Variants in RUNX1T1 observed in about 807,000 individuals in gnomAD.
The protein encoded by RUNX1T1 is protein CBFA2T1.
RUNX1T1 carries 4 observed loss-of-function variants against 62.8 expected under a neutral mutation model. The ratio of observed to expected loss-of-function variants is 0.06; its 90% CI spans 0.03 to 0.15. The LOEUF is 0.15. RUNX1T1 is among the 10% of genes least tolerant of loss of function. The pLI, the probability that RUNX1T1 is intolerant of heterozygous loss-of-function variation, is 1.00. For missense variants in RUNX1T1, 508 were observed against 754.3 expected, an observed-to-expected ratio of 0.67 and a Z score of 3.82; for synonymous variants, 291 against 286.0, an observed-to-expected ratio of 1.02 and a Z score of -0.18.
intron 1 of RUNX1T1, among the ~76,000 whole-genome samples, chr8:92,051,620 TCTCA>T (rs1360527698): frequency 4.0e-5 from 6 of 149,520 alleles, no homozygotes; most frequent in African/African-American, 1.3e-4. Context: ...TCTCTCTCTC[TCTCA>T]CTCTCTCTCT....
At chr8:92,071,323 A>G (rs1464987489) in intron 2 of RUNX1T1, 1 of 152,154 alleles carries the variant, frequency 6.6e-6, no homozygotes, top group Non-Finnish European at 1.5e-5. Context: ...ACACCAGACT[A>G]CTAATGAGTC....
chr8:92,076,099 G>A, exon 2 of RUNX1T1: 1 of 1,586,722 alleles, frequency 6.3e-7, no homozygotes, highest in Non-Finnish European at 8.5e-7. Flanking sequence ...TTCTGACTGG[G>A]ACAGAGATTA....
At chr8:92,050,119 T>C (rs997514495) in intron 1 of RUNX1T1, among the ~76,000 whole-genome samples, 6 of 152,188 alleles carry the variant, frequency 3.9e-5, no homozygotes, top group Admixed American at 3.9e-4. Context: ...AAGTAAATGA[T>C]AGACTGTTAT....
chr8:92,060,561 G>A (rs1320281106), intron 1 of RUNX1T1, among the ~76,000 whole-genome samples: 51 of 121,656 alleles, frequency 4.2e-4, no homozygotes, highest in Non-Finnish European at 5.2e-4. Flanking sequence ...ATATGTGTGT[G>A]TGTGTGTGTG....
intron 9 of RUNX1T1, among the ~76,000 whole-genome samples, chr8:91,972,028 C>T (rs1022649330): frequency 2.6e-4 from 39 of 152,044 alleles, no homozygotes; most frequent in African/African-American, 4.8e-5. Context: ...AACCTAGTAC[C>T]AATTAACACT....
intron 1 of RUNX1T1, among the ~76,000 whole-genome samples, chr8:92,043,296 T>A (rs919479516): frequency 1.1e-4 from 17 of 152,164 alleles, no homozygotes; most frequent in Non-Finnish European, 1.3e-4. Flanking sequence ...TGAGATATCC[T>A]CAAGTGTCCC....
chr8:92,016,116 G>T (rs1323827694), intron 2 of RUNX1T1, among the ~76,000 whole-genome samples: 1 of 152,182 alleles, frequency 6.6e-6, no homozygotes, highest in Non-Finnish European at 1.5e-5. Context: ...ATGGCACATG[G>T]TGTGCAAAAT....
intron 2 of RUNX1T1, among the ~76,000 whole-genome samples, chr8:92,075,317 C>T (rs1164886673): frequency 1.3e-5 from 2 of 152,232 alleles, no homozygotes; most frequent in African/African-American, 4.8e-5. Context: ...GACATGAACT[C>T]TCTCCCATAA....
chr8:92,021,421 C>T (rs1441529322), intron 1 of RUNX1T1, among the ~76,000 whole-genome samples: 3 of 152,154 alleles, frequency 2.0e-5, no homozygotes, highest in African/African-American at 7.2e-5. Flanking sequence ...TCCATCCAGC[C>T]TCCACCCTTC....
intron 2 of RUNX1T1, among the ~76,000 whole-genome samples, chr8:92,074,535 C>A (rs1834144304): frequency 6.6e-6 from 1 of 152,144 alleles, no homozygotes; most frequent in African/African-American, 2.4e-5. Flanking sequence ...TAAGCCCAAG[C>A]TTAATGTGGA....
intron 1 of RUNX1T1, among the ~76,000 whole-genome samples, chr8:92,034,956 A>G (rs1264896856): frequency 4.6e-5 from 7 of 152,000 alleles, no homozygotes; most frequent in Admixed American, 3.9e-4. Flanking sequence ...CAAATACTGC[A>G]TGTTCTCATT....
At chr8:92,014,968 G>A in intron 2 of RUNX1T1, 148 bp from the exon 4 acceptor site, 2 of 749,480 alleles carry the variant, frequency 2.7e-6, no homozygotes, top group South Asian at 4.0e-5. Flanking sequence ...GACTTCACAG[G>A]GTTACTACAT....
At chr8:91,998,540 G>A (rs145203882) in intron 5 of RUNX1T1, among the ~76,000 whole-genome samples, 2 of 152,270 alleles carry the variant, frequency 1.3e-5, no homozygotes, top group Admixed American at 6.5e-5. Context: ...ACACACAAAC[G>A]TGATGCCCAG....
At chr8:92,085,560 C>G (rs956415866) in intron 1 of RUNX1T1, among the ~76,000 whole-genome samples, 1 of 152,114 alleles carries the variant, frequency 6.6e-6, no homozygotes, top group African/African-American at 2.4e-5. Flanking sequence ...TAGTTCTTAT[C>G]AAGCATAATT....
Position 91,989,825 on chromosome 8 carries a change from G to C in RUNX1T1, c.910+1814C>G, listed in dbSNP as rs535280908. Among the ~76,000 whole-genome samples the C allele has an allele frequency of 5.9e-5, 9 of 152,292 alleles. 1 individual carries two copies. The East Asian group carries it at 1.7e-3, about 29-fold the overall frequency. Reference sequence around the variant, plus strand: ...GGGTTAAAATATCAATCCAGATCAAGAAATAGCATAACCACCTTTGAAAGC... The same window carrying C: ...GGGTTAAAATATCAATCCAGATCAACAAATAGCATAACCACCTTTGAAAGC... On this transcript the variant is annotated intron_variant, in intron 6 of 10. Transcript: ENST00000396218.
intron 1 of RUNX1T1, among the ~76,000 whole-genome samples, chr8:92,025,915 T>A (rs1331591620): frequency 6.6e-6 from 1 of 152,254 alleles, no homozygotes; most frequent in Non-Finnish European, 1.5e-5. Flanking sequence ...ACATATTTCC[T>A]GAGACTTTTT....
At chr8:92,065,751 A>G (rs1383909867), upstream of RUNX1T1, among the ~76,000 whole-genome samples, 1 of 152,212 alleles carries the variant, frequency 6.6e-6, no homozygotes, top group African/African-American at 2.4e-5. Context: ...GCAGTTCAGG[A>G]AAGCTCTCTA....
intron 8 of RUNX1T1, among the ~76,000 whole-genome samples, chr8:91,984,068 G>C (rs1303453962): frequency 6.6e-6 from 1 of 152,082 alleles, no homozygotes; most frequent in East Asian, 1.9e-4. Flanking sequence ...TGTACCCTTT[G>C]ACTAATACAA....
intron 1 of RUNX1T1, among the ~76,000 whole-genome samples, chr8:92,041,195 T>C (rs1362110597): frequency 1.3e-5 from 2 of 151,936 alleles, no homozygotes; most frequent in African/African-American, 4.8e-5. Flanking sequence ...AATTTGTCCA[T>C]TGTCCCACAG....
Sources: allele counts gnomAD v4.1 joint callset (sites outside exome capture counted in the v4.1 genomes callset), GRCh38; gene constraint gnomAD v4.1.1; transcripts MANE v1.5; gene names NCBI Gene and HGNC (gene_info 2026-07-23, HGNC 2026-07-21).